The following HECW1 variants were observed in gnomAD, a reference collection of about 807,000 sequenced individuals.
HECW1 encodes E3 ubiquitin-protein ligase HECW1.
HECW1 carries 61 observed loss-of-function variants against 182.3 expected under a neutral mutation model. The ratio of observed to expected loss-of-function variants is 0.33; its 90% CI spans 0.27 to 0.41. The LOEUF (loss-of-function observed/expected upper bound fraction) is 0.41. Among genes scored for constraint, HECW1 ranks in the 10% least tolerant of loss-of-function variants. The pLI is 1.00. For synonymous variants in HECW1, 859 were observed against 832.6 expected (o/e 1.03, Z -0.55); for missense variants, 1,739 against 2,108.9 (o/e 0.82, Z 3.44).
chr7:43,280,493 C>T (rs945079373), intron 3 of HECW1, among the ~76,000 whole-genome samples: 51 of 152,154 alleles, frequency 3.4e-4, no homozygotes, highest in African/African-American at 1.2e-3. Context: ...GCCACTGAGA[C>T]GTAAGACAAG....
intron 8 of HECW1, among the ~76,000 whole-genome samples, chr7:43,426,589 C>G (rs2076370000): frequency 1.3e-5 from 2 of 152,056 alleles, no homozygotes; most frequent in African/African-American, 4.8e-5. Flanking sequence ...CATTTCCTTT[C>G]TTATGCTTAT....
At chr7:43,413,096 C>T (rs1343561285) in intron 8 of HECW1, among the ~76,000 whole-genome samples, 15 of 147,752 alleles carry the variant, frequency 1.0e-4, no homozygotes, top group African/African-American at 3.0e-4. Context: ...CCTATTTCTC[C>T]GCATCCTCTC....
At chr7:43,462,733 A>G (rs1198727057) in intron 13 of HECW1, among the ~76,000 whole-genome samples, 1 of 152,100 alleles carries the variant, frequency 6.6e-6, no homozygotes, top group Non-Finnish European at 1.5e-5. Flanking sequence ...GTGCCCACAC[A>G]TCCTGATGCC....
intron 2 of HECW1, among the ~76,000 whole-genome samples, chr7:43,147,782 C>T (rs535442302): frequency 1.1e-4 from 16 of 152,250 alleles, no homozygotes; most frequent in African/African-American, 3.4e-4. Context: ...TGGCCATTGG[C>T]CACAGTAGTC....
At chr7:43,176,770 A>T (rs1420579609) in intron 2 of HECW1, among the ~76,000 whole-genome samples, 1 of 152,230 alleles carries the variant, frequency 6.6e-6, no homozygotes, top group East Asian at 1.9e-4. Context: ...AGTTTCCAAC[A>T]CATTGACTTT....
intron 7 of HECW1, among the ~76,000 whole-genome samples, chr7:43,400,342 C>T (rs559347846): frequency 2.1e-4 from 32 of 152,288 alleles, no homozygotes; most frequent in African/African-American, 7.5e-4. Flanking sequence ...TGCTGGTCAG[C>T]TCTGAGTATA....
intron 6 of HECW1, among the ~76,000 whole-genome samples, chr7:43,368,838 C>T (rs761943077): frequency 8.5e-5 from 13 of 152,138 alleles, no homozygotes; most frequent in Admixed American, 4.6e-4. Flanking sequence ...AGAAGCAAAA[C>T]GCCAAATAGC....
chr7:43,447,895 G>T (rs2077110439), intron 11 of HECW1, among the ~76,000 whole-genome samples: 1 of 152,296 alleles, frequency 6.6e-6, no homozygotes, highest in East Asian at 1.9e-4. Flanking sequence ...GGAGGCCGAG[G>T]TGGGTGGATT....
intron 24 of HECW1, among the ~76,000 whole-genome samples, chr7:43,540,086 CA>C (rs1302401451): frequency 6.6e-6 from 1 of 152,186 alleles, no homozygotes; most frequent in African/African-American, 2.4e-5. Flanking sequence ...CTACTTCAAA[CA>C]TACCAATTTG....
intron 2 of HECW1, among the ~76,000 whole-genome samples, chr7:43,121,546 T>C (rs990485848): frequency 2.5e-4 from 38 of 152,162 alleles, no homozygotes; most frequent in Non-Finnish European, 2.5e-4. Flanking sequence ...TGTAAACATA[T>C]AGTGATATGT....
chr7:43,366,218 A>T (rs1375589155), intron 6 of HECW1, among the ~76,000 whole-genome samples: 2 of 151,104 alleles, frequency 1.3e-5, no homozygotes, highest in African/African-American at 2.4e-5. Context: ...CTATTCTCTT[A>T]AAAAAAAAGG....
rs60651990 is a variant in HECW1, at chr7:43,425,304, T to TGATAGATAGATAGATAGATAGATA, written c.802-12683_802-12660dup. Among the ~76,000 whole-genome samples, 222 of 148,360 alleles carry TGATAGATAGATAGATAGATAGATA rather than the reference T, an allele frequency of 1.5e-3. 1 individual carries two copies. The highest frequency in any genetic ancestry group is 2.8e-3 in the East Asian group (14 of 4,984). On this transcript the variant is annotated intron_variant, in intron 8 of 29. Coordinates refer to ENST00000395891, the MANE Select transcript of HECW1 (RefSeq NM_015052.5). The stretch of plus-strand genomic sequence containing the variant: ...ATAGCTAGGTAGATAGATAGATAGA[T>TGATAGATAGATAGATAGATAGATA]GATAGATAGATAGATAGATAGATAG...
chr7:43,482,033 G>A (rs574356035), intron 17 of HECW1, among the ~76,000 whole-genome samples: 4 of 150,684 alleles, frequency 2.7e-5, no homozygotes, highest in South Asian at 2.1e-4. Flanking sequence ...ATGAAAGGGC[G>A]TTGCTGTGTA....
intron 9 of HECW1, 113 bp from the exon 10 acceptor site, chr7:43,442,416 A>G: frequency 2.8e-6 from 2 of 703,826 alleles, no homozygotes; most frequent in Non-Finnish European, 5.2e-6. Context: ...TGTTGAGCAC[A>G]TCAGGACTTC....
chr7:43,325,828 G>A (rs1216554806), intron 5 of HECW1, among the ~76,000 whole-genome samples: 1 of 152,164 alleles, frequency 6.6e-6, no homozygotes, highest in Non-Finnish European at 1.5e-5. Flanking sequence ...AAACCTGGCT[G>A]GATGCACACC....
intron 24 of HECW1, chr7:43,511,139 T>C (rs192853519): frequency 6.6e-6 from 1 of 152,372 alleles, no homozygotes; most frequent in East Asian, 1.9e-4. Context: ...TGATGAGGGC[T>C]TGACAGTGCC....
chr7:43,120,265 C>A (rs933556455), intron 2 of HECW1, among the ~76,000 whole-genome samples: 1 of 152,124 alleles, frequency 6.6e-6, no homozygotes, highest in Admixed American at 6.5e-5. Flanking sequence ...AGGGACGGTC[C>A]CCCAGCCACC....
chr7:43,113,233 G>A (rs1395670958), intron 1 of HECW1, among the ~76,000 whole-genome samples: 1 of 152,084 alleles, frequency 6.6e-6, no homozygotes, highest in Non-Finnish European at 1.5e-5. Flanking sequence ...CGGGTTCGCA[G>A]CGCCTCCCCC....
intron 2 of HECW1, among the ~76,000 whole-genome samples, chr7:43,179,538 T>C (rs1394065762): frequency 6.8e-6 from 1 of 146,152 alleles, no homozygotes; most frequent in Non-Finnish European, 1.5e-5. Flanking sequence ...TTTGGGAGAA[T>C]TGTATATTTG....
Sources: gnomAD v4.1 joint callset for allele counts (sites outside exome capture counted in the v4.1 genomes callset) on GRCh38, gnomAD v4.1.1 for gene constraint, MANE v1.5 for transcripts, NCBI Gene and HGNC (gene_info 2026-07-23, HGNC 2026-07-21) for gene names.